Variants in UVSSA observed in about 807,000 individuals in gnomAD.
UVSSA encodes UV stimulated scaffold protein A.
UVSSA carries 72 observed loss-of-function variants against 73.9 expected under a neutral mutation model. The observed-to-expected ratio is 0.97, with a 90% CI of 0.81 to 1.19. UVSSA has a LOEUF of 1.19. Among genes scored for constraint, UVSSA ranks in the 50% most tolerant of loss-of-function variants. UVSSA has a pLI of 0.00. For synonymous variants in UVSSA, 454 were observed against 391.3 expected (o/e 1.16, Z -1.89); for missense variants, 1,150 against 965.0 (o/e 1.19, Z -2.54).
chr4:1,366,468 G>A (rs776632487), intron 8 of UVSSA, 37 bp downstream of exon 8: 1 of 1,524,684 alleles, frequency 6.6e-7, no homozygotes, highest in African/African-American at 1.4e-5. Flanking sequence ...CACCTGGGTG[G>A]AGGGTCCCCC....
Position 1,383,869 on chromosome 4 carries a change from C to T in UVSSA, c.1965C>T (p.Tyr655=), listed in dbSNP as rs1369053341. 6.2e-7 allele frequency: 1 copy of T among 1,613,438 alleles called. No homozygotes were observed. Among genetic ancestry groups the T allele is most frequent in the Non-Finnish European group, 8.5e-7 (1 of 1,180,006 alleles). The change falls in exon 13 of 14, where the codon TAC becomes TAT. Residue 655 remains tyrosine (Y), a synonymous_variant. Coordinates refer to ENST00000389851, the MANE Select transcript of UVSSA (RefSeq NM_020894.4). ...AAGGCAGGGGGAAGAAGAGGAGGTA[C>T]CCCAGCCTCACCAACCTGAAGGCTC... ...SGKGRGKKRR[Y]PSLTNLKAQA...
chr4:1,372,072 C>T (rs578064768), intron 8 of UVSSA, among the ~76,000 whole-genome samples: 26 of 152,170 alleles, frequency 1.7e-4, no homozygotes, highest in African/African-American at 6.3e-4. Context: ...CCTTTTTTTA[C>T]CCTCCTATTT....
At chr4:1,344,023 G>A (rs1388495629), upstream of UVSSA, among the ~76,000 whole-genome samples, 6 of 151,512 alleles carry the variant, frequency 4.0e-5, no homozygotes, top group Non-Finnish European at 7.4e-5. Flanking sequence ...CCTTAAAGAT[G>A]TTCCATTTTC....
rs1443131563 is a variant in UVSSA, at chr4:1,394,440, T to C, written c.*8479T>C. On this transcript the variant is annotated 3_prime_UTR_variant, in exon 14 of 14. Transcript: ENST00000511216. The stretch of plus-strand genomic sequence containing the variant: ...AAATCATTGATCTACTTCTAGTTTT[T>C]GATACAAAATGTGAGCCAGGAAACC... The C allele has an allele frequency of 2.5e-6, 4 of 1,602,500 alleles. No homozygotes were observed. The Admixed American group carries it at 5.1e-5, about 20-fold the overall frequency.
downstream of UVSSA, chr4:1,392,070 C>G (rs1720425115): frequency 6.6e-6 from 1 of 152,036 alleles, no homozygotes; most frequent in Non-Finnish European, 1.5e-5. Flanking sequence ...TTGTAATTTC[C>G]TTGTCTGTTT....
downstream of UVSSA, chr4:1,392,609 C>G (rs752133614): frequency 1.3e-5 from 2 of 152,232 alleles, no homozygotes; most frequent in Non-Finnish European, 2.9e-5. Context: ...TCCACTGCCT[C>G]TGGCATCTGT....
Position 1,383,830 on chromosome 4 carries a change from C to T in UVSSA, c.1926C>T (p.Ser642=), listed in dbSNP as rs753297102. Residue 642 remains serine, a synonymous_variant, in exon 13 of 14, where the codon TCC becomes TCT. Coordinates refer to ENST00000389851, the MANE Select transcript of UVSSA (RefSeq NM_020894.4). ...CCACAGGGCAGGATCTCGGCTCATCCAGGTACAGCGGGAAAGGCAGGGGGA... is the reference window on the plus strand; with the variant it reads ...CCACAGGGCAGGATCTCGGCTCATCTAGGTACAGCGGGAAAGGCAGGGGGA... ...EAATGQDLGS[S]RYSGKGRGKK... is the part of the protein sequence containing the mutation. 2 of 1,613,340 alleles carry T rather than the reference C, an allele frequency of 1.2e-6. No homozygotes were observed. The highest frequency in any genetic ancestry group is 1.7e-6 in the Non-Finnish European group (2 of 1,180,000).
chr4:1,360,269 C>T (rs1392734237), intron 7 of UVSSA, among the ~76,000 whole-genome samples: 1 of 152,234 alleles, frequency 6.6e-6, no homozygotes, highest in South Asian at 2.1e-4. Flanking sequence ...CTTGTGCCAG[C>T]CCTCCCTCCC....
At chr4:1,352,126 C>T (rs1466571139) in intron 4 of UVSSA, among the ~76,000 whole-genome samples, 3 of 152,260 alleles carry the variant, frequency 2.0e-5, no homozygotes, top group African/African-American at 7.2e-5. Context: ...GTCTGAGCCC[C>T]AGCCTGGCTG....
intron 7 of UVSSA, among the ~76,000 whole-genome samples, chr4:1,361,763 A>G (rs527945710): frequency 6.6e-6 from 1 of 152,388 alleles, no homozygotes; most frequent in South Asian, 2.1e-4. Context: ...TTGGTTTATA[A>G]GATAGAATGG....
At chr4:1,378,556 A>C (rs1719052614) in intron 10 of UVSSA, among the ~76,000 whole-genome samples, 1 of 152,114 alleles carries the variant, frequency 6.6e-6, no homozygotes, top group African/African-American at 2.4e-5. Context: ...GTCTGAAAAA[A>C]AAATAGCCAG....
intron 8 of UVSSA, among the ~76,000 whole-genome samples, chr4:1,367,463 G>A (rs1030220752): frequency 5.3e-5 from 8 of 152,198 alleles, no homozygotes; most frequent in Non-Finnish European, 1.0e-4. Context: ...GTGAAGATAT[G>A]ACCCATTAAG....
rs377406261 is a variant in UVSSA at position 1,394,632 on chromosome 4, G to A, written c.*8671G>A. On this transcript the variant is annotated 3_prime_UTR_variant, in exon 14 of 14. Coordinates refer to the UVSSA transcript ENST00000511216. ...CCCGCCTGCTCACACATGTCGATGCGGAGTGCCCGCCTGCTCACACATGCC... is the reference window on the plus strand; with the variant it reads ...CCCGCCTGCTCACACATGTCGATGCAGAGTGCCCGCCTGCTCACACATGCC... 1.3e-4 allele frequency: 189 copies of A among 1,477,618 alleles called. 1 individual carries two copies. The highest frequency in any genetic ancestry group is 3.5e-4 in the South Asian group (29 of 82,828). The allele number at this position is 1,477,618 out of a possible 1,614,324, so 91.5% of individuals were successfully genotyped here.
At chr4:1,385,569 G>T (rs369471089) in intron 13 of UVSSA, 15 of 429,332 alleles carry the variant, frequency 3.5e-5, no homozygotes, top group Non-Finnish European at 5.2e-5. Flanking sequence ...CCTGGAGTGC[G>T]GGAGGCCACG....
rs112762595 is a variant in UVSSA at position 1,375,899 on chromosome 4, C to G, written c.1434-135C>G. 7.7e-3 allele frequency: 10,497 copies of G among 1,362,354 alleles called. 620 individuals carry two copies. The African/African-American group carries it at 0.13, about 17-fold the overall frequency. 84.4% of individuals were successfully genotyped at this position (1,362,354 alleles called of 1,614,324 possible). On this transcript the variant is annotated intron_variant, in intron 9 of 13. Coordinates refer to ENST00000389851, the MANE Select transcript of UVSSA (RefSeq NM_020894.4). ...CTCAGCGGTGGCCCTGAGGCCCAGGCGTCGTGTGGCAGAAGCCATTGCTCA... is the reference window on the plus strand; with the variant it reads ...CTCAGCGGTGGCCCTGAGGCCCAGGGGTCGTGTGGCAGAAGCCATTGCTCA...
intron 8 of UVSSA, 78 bp from the exon 9 acceptor site, chr4:1,375,286 C>G (rs890607201): frequency 6.3e-7 from 1 of 1,585,014 alleles, no homozygotes; most frequent in Non-Finnish European, 8.6e-7. Flanking sequence ...ATAGGCGCGT[C>G]CTAACTGCCC....
chr4:1,361,743 C>A (rs966192262), intron 7 of UVSSA, among the ~76,000 whole-genome samples: 2 of 152,100 alleles, frequency 1.3e-5, no homozygotes, highest in African/African-American at 2.4e-5. Flanking sequence ...CAGCTGAGCA[C>A]GTTTAATTTT....
At chr4:1,375,219 A>T in intron 8 of UVSSA, 145 bp from the exon 9 acceptor site, 1 of 1,339,428 alleles carries the variant, frequency 7.5e-7, no homozygotes, top group East Asian at 2.3e-5. Context: ...CTCGCCCGTG[A>T]GGAGCAGATA....
chr4:1,375,891 G>T, intron 9 of UVSSA, 143 bp from the exon 10 acceptor site: 1 of 1,325,084 alleles, frequency 7.5e-7, no homozygotes. Flanking sequence ...GTGGCCCTGA[G>T]GCCCAGGCGT....
Sources: allele counts gnomAD v4.1 joint callset (sites outside exome capture counted in the v4.1 genomes callset), GRCh38; gene constraint gnomAD v4.1.1; transcripts MANE v1.5; gene names NCBI Gene and HGNC (gene_info 2026-07-23, HGNC 2026-07-21).